Variants in CISD2 observed in about 807,000 individuals in gnomAD.
CISD2 encodes the protein CDGSH iron-sulfur domain-containing protein 2.
CISD2 carries 1 observed loss-of-function variant against 12.9 expected under a neutral mutation model. The observed-to-expected ratio is 0.08, with a 90% CI of 0.03 to 0.37. CISD2 has a LOEUF of 0.37. Ranked by LOEUF, CISD2 falls within the 10% of genes least tolerant of loss-of-function variation. The probability of loss-of-function intolerance (pLI) is 0.99; values close to 1 mark genes in which losing one functional copy is unlikely to be tolerated. For missense variants in CISD2, 97 were observed against 163.1 expected (o/e 0.59, Z 2.21); for synonymous variants, 50 against 60.6 (o/e 0.83, Z 0.81).
intron 2 of CISD2, 142 bp downstream of exon 2, chr4:102,885,572 G>T: frequency 1.4e-6 from 1 of 702,638 alleles, no homozygotes; most frequent in Non-Finnish European, 2.5e-6. Context: ...CTAAATTGAA[G>T]TTTTCATGTC....
chr4:102,882,496 T>C (rs1046917969), intron 1 of CISD2, among the ~76,000 whole-genome samples: 1 of 152,192 alleles, frequency 6.6e-6, no homozygotes, highest in African/African-American at 2.4e-5. Flanking sequence ...TTTGTGGAAG[T>C]TGAAGCTGGA....
In CISD2 at chr4:102,869,028, C is replaced by T; in HGVS notation, c.-57C>T. On this transcript the variant is annotated 5_prime_UTR_variant, in exon 1 of 3. Coordinates refer to ENST00000273986, the MANE Select transcript of CISD2 (RefSeq NM_001008388.5). ...GCCGCTTCCGCTCCCGGCGCAGGCGCGGCAGCTTGGCCAGAGCGGAGGGGG... is the reference window on the plus strand; with the variant it reads ...GCCGCTTCCGCTCCCGGCGCAGGCGTGGCAGCTTGGCCAGAGCGGAGGGGG... The T allele has an allele frequency of 6.6e-7, 1 of 1,525,984 alleles. No homozygotes were observed. The allele number at this position is 1,525,984 out of a possible 1,614,324, so 94.5% of individuals were successfully genotyped here.
chr4:102,873,615 C>T (rs1733517691), intron 1 of CISD2, among the ~76,000 whole-genome samples: 1 of 151,108 alleles, frequency 6.6e-6, no homozygotes, highest in African/African-American at 2.4e-5. Context: ...TTTCATTCTT[C>T]CTTTTTGGTC....
rs773631848 is a variant in CISD2 at position 102,869,152 on chromosome 4, T to A, written c.68T>A (p.Val23Asp). 1.5e-5 allele frequency: 24 copies of A among 1,612,210 alleles called. No individual in the cohort carries two copies. The highest frequency in any genetic ancestry group is 2.0e-5 in the Non-Finnish European group (23 of 1,179,372). ...CCTGCATATCTGAAGCGGCTCCCAG[T>A]CCCTGAAAGCATTACCGGGTTCGCT... The part of the protein sequence containing the change: ...QLPAYLKRLP[V>D]PESITGFARL... Residue 23 changes from valine to aspartate, a missense_variant, in exon 1 of 3, where the codon GTC becomes GAC. Coordinates refer to ENST00000273986, the MANE Select transcript of CISD2 (RefSeq NM_001008388.5).
At chr4:102,871,331 A>C (rs1211901010) in intron 1 of CISD2, among the ~76,000 whole-genome samples, 1 of 152,198 alleles carries the variant, frequency 6.6e-6, no homozygotes, top group Non-Finnish European at 1.5e-5. Context: ...TTCTCTCTTA[A>C]GAATATATAG....
intron 1 of CISD2, among the ~76,000 whole-genome samples, chr4:102,871,559 T>C (rs777655129): frequency 3.3e-5 from 5 of 152,170 alleles, no homozygotes; most frequent in Non-Finnish European, 7.4e-5. Flanking sequence ...CCTTTTTGGA[T>C]TGGACAAAAC....
chr4:102,878,808 C>G (rs1309725586), intron 1 of CISD2, among the ~76,000 whole-genome samples: 1 of 152,224 alleles, frequency 6.6e-6, no homozygotes, highest in Admixed American at 6.5e-5. Flanking sequence ...ATTGCTTCCA[C>G]ATTTTCAGGT....
At chr4:102,869,939 A>G (rs1733386427) in intron 1 of CISD2, among the ~76,000 whole-genome samples, 1 of 152,230 alleles carries the variant, frequency 6.6e-6, no homozygotes, top group East Asian at 1.9e-4. Flanking sequence ...TTTCACATCT[A>G]AAGGATGAAA....
rs1445350372 is a variant in CISD2, at chr4:102,888,627, A to G, written c.*1197A>G. ...AATCTTTTTAGTTTCATCTTACATTACTACTCTCATAATAGCTATCCTTAG... is the reference window on the plus strand; with the variant it reads ...AATCTTTTTAGTTTCATCTTACATTGCTACTCTCATAATAGCTATCCTTAG... On this transcript the variant is annotated 3_prime_UTR_variant, in exon 3 of 3. Coordinates refer to ENST00000273986, the MANE Select transcript of CISD2 (RefSeq NM_001008388.5). The G allele has an allele frequency of 6.6e-6, 1 of 152,230 alleles. No homozygotes were observed. Among genetic ancestry groups the G allele is most frequent in the East Asian group, 1.9e-4 (1 of 5,200 alleles). The allele number at this position is 152,230 out of a possible 1,614,324, so 9.4% of individuals were successfully genotyped here.
Position 102,889,263 on chromosome 4 carries a change from TTTTCGGATACA to T in CISD2, c.*1837_*1847del, listed in dbSNP as rs1455168845. 6.6e-6 allele frequency: 1 copy of T among 152,404 alleles called. No homozygotes were observed. Among genetic ancestry groups the T allele is most frequent in the Non-Finnish European group, 1.5e-5 (1 of 68,142 alleles). The allele number at this position is 152,404 out of a possible 1,614,324, so 9.4% of individuals were successfully genotyped here. On this transcript the variant is annotated 3_prime_UTR_variant, in exon 3 of 3. Transcript: ENST00000273986. ...TCTCACTTCTTTGACTCTGGGTGCT[TTTTCGGATACA>T]TTTTCTTCAACACTGTTAAGGGGCC...
At chr4:102,883,535 G>A (rs1733778605) in intron 1 of CISD2, among the ~76,000 whole-genome samples, 1 of 152,154 alleles carries the variant, frequency 6.6e-6, no homozygotes. Context: ...GTTATTTCAA[G>A]ACAGTTTCTA....
chr4:102,876,045 C>T (rs183243551), intron 1 of CISD2, among the ~76,000 whole-genome samples: 110 of 152,240 alleles, frequency 7.2e-4, no homozygotes, highest in Middle Eastern at 3.4e-3. Flanking sequence ...TCCTTTATTT[C>T]CTTTATAACA....
intron 1 of CISD2, among the ~76,000 whole-genome samples, chr4:102,878,718 A>G (rs1271093678): frequency 6.6e-6 from 1 of 152,172 alleles, no homozygotes; most frequent in Non-Finnish European, 1.5e-5. Context: ...AGTCTCTAGG[A>G]AGTTCCAGAC....
At chr4:102,873,696 A>G (rs1733519575) in intron 1 of CISD2, among the ~76,000 whole-genome samples, 1 of 146,230 alleles carries the variant, frequency 6.8e-6, no homozygotes, top group Non-Finnish European at 1.5e-5. Context: ...GTGGCACTAC[A>G]TTCCAGCCTA....
chr4:102,885,230 C>G lies in CISD2; in HGVS notation c.118C>G (p.Arg40Gly). 1 of 1,613,928 alleles carries G rather than the reference C, an allele frequency of 6.2e-7. No homozygotes were observed. The highest frequency in any genetic ancestry group is 8.5e-7 in the Non-Finnish European group (1 of 1,179,856). The change falls in exon 2 of 3, where the codon CGG becomes GGG. Residue 40 changes from arginine to glycine, a missense_variant. This residue lies in a region of CISD2 where 89 missense variants were observed against 114.4 expected (regional missense o/e 0.78). Coordinates refer to ENST00000273986, the MANE Select transcript of CISD2 (RefSeq NM_001008388.5). ...TACATGTTTAGTTTCAGAATGGCTTCGGTTATTGCCTTTCCTTGGTGTACT... is the reference window on the plus strand; with the variant it reads ...TACATGTTTAGTTTCAGAATGGCTTGGGTTATTGCCTTTCCTTGGTGTACT... ...FARLTVSEWLRLLPFLGVLAL... is the reference protein window; with the variant it reads ...FARLTVSEWLGLLPFLGVLAL...
intron 1 of CISD2, among the ~76,000 whole-genome samples, chr4:102,878,555 A>G (rs900478295): frequency 6.6e-6 from 1 of 152,224 alleles, no homozygotes; most frequent in Non-Finnish European, 1.5e-5. Context: ...TCTCTTGGGC[A>G]GGGGCAAAAT....
In CISD2 at chr4:102,889,841, T is replaced by C. The variant is rs1297405112; in HGVS notation, c.*2411T>C. The C allele has an allele frequency of 6.6e-6, 1 of 152,168 alleles. No individual in the cohort carries two copies. Among genetic ancestry groups the C allele is most frequent in the African/African-American group, 2.4e-5 (1 of 41,438 alleles). 9.4% of individuals were successfully genotyped at this position (152,168 alleles called of 1,614,324 possible). The stretch of plus-strand genomic sequence containing the variant: ...CCATCTTTAAAAAATAGACATCTAA[T>C]AACCAAATGTATTTGAATTGATGCA... On this transcript the variant is annotated 3_prime_UTR_variant, in exon 3 of 3. Coordinates refer to ENST00000273986, the MANE Select transcript of CISD2 (RefSeq NM_001008388.5).
At chr4:102,873,994 T>G (rs759887509) in intron 1 of CISD2, among the ~76,000 whole-genome samples, 2 of 151,840 alleles carry the variant, frequency 1.3e-5, no homozygotes, top group Non-Finnish European at 2.9e-5. Flanking sequence ...GGTGTGGTAG[T>G]GCACACTTGT....
Position 102,889,519 on chromosome 4 carries a change from C to CTAAA in CISD2, c.*2090_*2093dup, listed in dbSNP as rs1734122919. On this transcript the variant is annotated 3_prime_UTR_variant, in exon 3 of 3. Coordinates refer to ENST00000273986, the MANE Select transcript of CISD2 (RefSeq NM_001008388.5). ...GGCAAATTTACTAAAAATGAGGAGA[C>CTAAA]TAAAATGAATGACCAACTTTGAATT... is the stretch of plus-strand genomic sequence containing the variant. 6.6e-6 allele frequency: 1 copy of CTAAA among 152,186 alleles called. No homozygotes were observed. The highest frequency in any genetic ancestry group is 2.4e-5 in the African/African-American group (1 of 41,438). The allele number at this position is 152,186 out of a possible 1,614,324, so 9.4% of individuals were successfully genotyped here.
Sources: allele counts gnomAD v4.1 joint callset (sites outside exome capture counted in the v4.1 genomes callset), GRCh38; gene constraint gnomAD v4.1.1; regional missense constraint gnomAD v4.1.1; transcripts MANE v1.5; gene names NCBI Gene and HGNC (gene_info 2026-07-23, HGNC 2026-07-21).